The following GNG10 variants were observed in gnomAD, a reference collection of about 807,000 sequenced individuals.
GNG10 encodes G protein subunit gamma 10.
GNG10 carries 7 observed loss-of-function variants against 6.8 expected under a neutral mutation model. That is an observed-to-expected ratio of 1.02 (90% CI 0.58 to 1.92). The LOEUF (loss-of-function observed/expected upper bound fraction) is 1.92. GNG10 is among the 30% of genes most tolerant of loss of function. GNG10 has a pLI of 0.00. For missense variants in GNG10, 57 were observed against 86.1 expected, an observed-to-expected ratio of 0.66 and a Z score of 1.34; for synonymous variants, 28 against 34.8, an observed-to-expected ratio of 0.80 and a Z score of 0.69.
Position 111,661,719 on chromosome 9 carries a change from C to A in GNG10, c.81+4C>A, listed in dbSNP as rs751678630. 1 of 1,338,380 alleles carries A rather than the reference C, an allele frequency of 7.5e-7. No homozygotes were observed. Among genetic ancestry groups the A allele is most frequent in the Non-Finnish European group, 9.8e-7 (1 of 1,022,690 alleles). The allele number at this position is 1,338,380 out of a possible 1,614,324, so 82.9% of individuals were successfully genotyped here. The stretch of plus-strand genomic sequence containing the variant: ...GGCTGGCGTGGAGAGGATCAAGGTG[C>A]GGGCCCCGGGTACCCACGCTCCGGT... On this transcript the variant is annotated splice_donor_region_variant and intron_variant, in intron 1 of 2. Coordinates refer to ENST00000374293, the MANE Select transcript of GNG10 (RefSeq NM_001017998.4). The surrounding 1 kb of genome is among the most constrained non-coding windows in gnomAD (Gnocchi z 6.1).
intron 2 of GNG10, among the ~76,000 whole-genome samples, chr9:111,667,195 T>A (rs747390202): frequency 3.9e-5 from 6 of 152,134 alleles, no homozygotes; most frequent in Non-Finnish European, 8.8e-5. Context: ...CTTCTGTACT[T>A]GAGCTCTTTG....
rs1348294888 is a variant in GNG10 at position 111,666,823 on chromosome 9, G to A, written c.90G>A (p.Gln30=). Residue 30 remains glutamine, a synonymous_variant, in exon 2 of 3, where the codon CAG becomes CAA. Coordinates refer to ENST00000374293, the MANE Select transcript of GNG10 (RefSeq NM_001017998.4). ...EAGVERIKVS[Q]AAAELQQYCM... Reference sequence around the variant, plus strand: ...CTGTCCCTTTGTTTCAGGTCTCTCAGGCAGCTGCAGAGCTTCAACAGTACT... The same window carrying A: ...CTGTCCCTTTGTTTCAGGTCTCTCAAGCAGCTGCAGAGCTTCAACAGTACT... The A allele has an allele frequency of 6.2e-7, 1 of 1,612,384 alleles. No individual in the cohort carries two copies.
At chr9:111,663,393 C>T (rs771780010) in intron 1 of GNG10, among the ~76,000 whole-genome samples, 2 of 151,822 alleles carry the variant, frequency 1.3e-5, no homozygotes, top group Non-Finnish European at 2.9e-5. Context: ...GAGGTGGGGC[C>T]GGAGGGCAAG....
chr9:111,667,042 T>C, intron 2 of GNG10, 96 bp downstream of exon 2: 3 of 1,511,776 alleles, frequency 2.0e-6, no homozygotes, highest in Non-Finnish European at 2.7e-6. Context: ...TCTCCTATTC[T>C]TGGGGAAATT....
intron 2 of GNG10, among the ~76,000 whole-genome samples, chr9:111,668,159 A>G (rs1830936211): frequency 6.6e-6 from 1 of 151,732 alleles, no homozygotes; most frequent in Non-Finnish European, 1.5e-5. Context: ...GCGTGACACA[A>G]TGTTTTTTTA....
In GNG10 at chr9:111,663,405, C is replaced by T. The variant is rs544272357; in HGVS notation, c.81+1690C>T. On this transcript the variant is annotated intron_variant, in intron 1 of 2. Transcript: ENST00000374293. ...GTGGAGGTGGGGCCGGAGGGCAAGG[C>T]GTGTGAAGGTCTGGCCAGAAAGAGG... Among the ~76,000 whole-genome samples the T allele has an allele frequency of 4.0e-5, 6 of 151,734 alleles. No homozygotes were observed. The South Asian group carries it at 8.3e-4, about 21-fold the overall frequency.
intron 1 of GNG10, among the ~76,000 whole-genome samples, chr9:111,662,772 AGGG>A (rs761429866): frequency 1.3e-5 from 2 of 152,210 alleles, no homozygotes; most frequent in Non-Finnish European, 2.9e-5. Context: ...AACAGGGTAA[AGGG>A]AGAGAGGGCT....
At chr9:111,666,704 G>GGTCGCAGAAAGAGACTTTTGGAT (rs1298487194) in intron 1 of GNG10, 111 bp from the exon 2 acceptor site, 4 of 1,423,048 alleles carry the variant, frequency 2.8e-6, no homozygotes, top group Non-Finnish European at 3.7e-6. Flanking sequence ...GACTTTTGGA[G>GGTCGCAGAAAGAGACTTTTGGAT]GTCACAAAAA....
intron 1 of GNG10, among the ~76,000 whole-genome samples, chr9:111,662,675 G>T (rs1830841178): frequency 6.6e-6 from 1 of 152,186 alleles, no homozygotes; most frequent in Non-Finnish European, 1.5e-5. Context: ...CTGCTACAGG[G>T]AATAGGGTGG....
At position 111,661,788 on chromosome 9, in the gene GNG10, A is replaced by G. The variant is rs1830822923; in HGVS notation, c.81+73A>G. 9 of 904,000 alleles carry G rather than the reference A, an allele frequency of 1.0e-5. No homozygotes were observed. The highest frequency in any genetic ancestry group is 1.3e-5 in the Non-Finnish European group (9 of 698,620). 56.0% of individuals were successfully genotyped at this position (904,000 alleles called of 1,614,324 possible). On this transcript the variant is annotated intron_variant, in intron 1 of 2. Transcript: ENST00000374293. This position sits in a 1 kb window ranked among gnomAD's most constrained non-coding sequence, Gnocchi z 6.1. ...TGAGAAGAGGAGGCCGGCGGCCCGG[A>G]CCGGGCGCCAGCGGGGGACTCGGTG... is the stretch of plus-strand genomic sequence containing the variant.
At chr9:111,667,027 G>C in intron 2 of GNG10, 81 bp downstream of exon 2, 1 of 1,550,254 alleles carries the variant, frequency 6.5e-7, no homozygotes, top group Non-Finnish European at 8.7e-7. Context: ...ACTGAGTTTT[G>C]AATGTCTCCT....
intron 1 of GNG10, among the ~76,000 whole-genome samples, chr9:111,666,523 A>G (rs1398191580): frequency 6.6e-6 from 1 of 152,228 alleles, no homozygotes; most frequent in African/African-American, 2.4e-5. Flanking sequence ...AGAATGAGCT[A>G]TTTCTTTACC....
Position 111,668,850 on chromosome 9 carries a change from T to G in GNG10, c.*7-419T>G, listed in dbSNP as rs182833674. Among the ~76,000 whole-genome samples the G allele has an allele frequency of 2.6e-5, 4 of 151,972 alleles. No individual in the cohort carries two copies. In the East Asian group the frequency reaches 7.8e-4, roughly 30 times the overall value. Reference sequence around the variant, plus strand: ...GGTTTAGATGTCTTTTGTATTCACCTGTTACTTTCATTTTTTTTTTGTTTG... The same window carrying G: ...GGTTTAGATGTCTTTTGTATTCACCGGTTACTTTCATTTTTTTTTTGTTTG... On this transcript the variant is annotated intron_variant, in intron 2 of 2. Coordinates refer to ENST00000374293, the MANE Select transcript of GNG10 (RefSeq NM_001017998.4).
chr9:111,668,369 G>A (rs187291985), intron 2 of GNG10, among the ~76,000 whole-genome samples: 2 of 151,324 alleles, frequency 1.3e-5, no homozygotes, highest in South Asian at 2.1e-4. Flanking sequence ...CATATTTATG[G>A]TGTTAAGATA....
intron 2 of GNG10, among the ~76,000 whole-genome samples, chr9:111,667,243 T>TG (rs940463850): frequency 6.6e-6 from 1 of 151,958 alleles, no homozygotes; most frequent in Non-Finnish European, 1.5e-5. Flanking sequence ...CTTTCTTTCT[T>TG]TTTTTTGAGA....
At chr9:111,664,565 G>C (rs1830871245) in intron 1 of GNG10, among the ~76,000 whole-genome samples, 1 of 152,154 alleles carries the variant, frequency 6.6e-6, no homozygotes, top group Admixed American at 6.5e-5. Context: ...CTCAAACCAA[G>C]GAAAGTCAGG....
chr9:111,665,313 T>C (rs541111885), intron 1 of GNG10, among the ~76,000 whole-genome samples: 4 of 152,226 alleles, frequency 2.6e-5, no homozygotes, highest in Admixed American at 2.6e-4. Context: ...TGATATTGTA[T>C]CAGTTAGTTT....
intron 1 of GNG10, among the ~76,000 whole-genome samples, chr9:111,665,841 C>G (rs1830887683): frequency 6.6e-6 from 1 of 151,928 alleles, no homozygotes; most frequent in Non-Finnish European, 1.5e-5. Flanking sequence ...ATTCTCCTGC[C>G]TCAACCTCCT....
At position 111,670,211 on chromosome 9, in the gene GNG10, A is replaced by G. The variant is rs1830976024; in HGVS notation, c.*949A>G. On this transcript the variant is annotated 3_prime_UTR_variant, in exon 3 of 3. Coordinates refer to ENST00000374293, the MANE Select transcript of GNG10 (RefSeq NM_001017998.4). ...GGTCTTTGAAGAGCTTGGAAATAAA[A>G]TTTCTGCTTAATTAATCATTTTTCT... 6.6e-6 allele frequency: 1 copy of G among 152,616 alleles called. No homozygotes were observed. Among genetic ancestry groups the G allele is most frequent in the Non-Finnish European group, 1.5e-5 (1 of 68,030 alleles). 9.5% of individuals were successfully genotyped at this position (152,616 alleles called of 1,614,324 possible).
Sources: gnomAD v4.1 joint callset for allele counts (sites outside exome capture counted in the v4.1 genomes callset) on GRCh38, gnomAD v4.1.1 for gene constraint, Gnocchi (gnomAD v3.1) non-coding constraint, MANE v1.5 for transcripts, NCBI Gene and HGNC (gene_info 2026-07-23, HGNC 2026-07-21) for gene names.